Variants in TRMT1 observed in about 807,000 individuals in gnomAD.
TRMT1 encodes tRNA methyltransferase 1.
Under a neutral mutation model 75.4 loss-of-function variants are expected in TRMT1, and 63 were observed. That is an observed-to-expected ratio of 0.84 (90% CI 0.68 to 1.03). The LOEUF is 1.03. Among genes scored for constraint, TRMT1 ranks in the 50% least tolerant of loss-of-function variants. The pLI is 0.00. For missense variants in TRMT1, 870 were observed against 905.3 expected, an observed-to-expected ratio of 0.96 and a Z score of 0.50; for synonymous variants, 382 against 358.1, an observed-to-expected ratio of 1.07 and a Z score of -0.75.
intron 4 of TRMT1, 72 bp from the exon 5 acceptor site, chr19:13,115,538 C>A (rs2019308460): frequency 6.3e-7 from 1 of 1,598,742 alleles, no homozygotes; most frequent in Non-Finnish European, 8.5e-7. Context: ...GGAGCCCCCA[C>A]CACCCACCTC....
chr19:13,111,180 A>G (rs1308703650), intron 7 of TRMT1, among the ~76,000 whole-genome samples: 1 of 151,970 alleles, frequency 6.6e-6, no homozygotes, highest in Admixed American at 6.6e-5. Flanking sequence ...AGTAGCTGGG[A>G]CCACAGGCAT....
Position 13,112,966 on chromosome 19 carries a change from G to C in TRMT1, c.687C>G (p.Val229=). 1 of 1,613,886 alleles carries C rather than the reference G, an allele frequency of 6.2e-7. No homozygotes were observed. The highest frequency in any genetic ancestry group is 8.5e-7 in the Non-Finnish European group (1 of 1,179,920). ...QHQRVSERFD[V]IDLDPYGSPA... is the part of the protein sequence containing the mutation. ...GGCTGCCATAGGGGTCCAGATCGAT[G>C]ACGTCAAACCTCTCCGACACCCTCT... The change falls in exon 6 of 17, where the codon GTC becomes GTG. Residue 229 remains valine (V), a synonymous_variant. Coordinates refer to ENST00000357720, the MANE Select transcript of TRMT1 (RefSeq NM_001136035.4).
rs774151642 is a variant in TRMT1, at chr19:13,104,961, C to CCCCA, written c.1950_1953dup (p.Ala652TrpfsTer13). 6.2e-7 allele frequency: 1 copy of CCCCA among 1,613,882 alleles called. No individual in the cohort carries two copies. The highest frequency in any genetic ancestry group is 1.1e-5 in the South Asian group (1 of 91,092). On this transcript the variant is annotated frameshift_variant, in exon 17 of 17. Transcript: ENST00000357720. LOFTEE classifies it high-confidence loss of function. Reference sequence around the variant, plus strand: ...CAGTCTATGCCTGGCCCAGCGGCAGCCCCAGGTCCAGGGGGGGTCTGGTTG... The same window carrying CCCCA: ...CAGTCTATGCCTGGCCCAGCGGCAGCCCCACCCAGGTCCAGGGGGGGTCTGGTTG...
At chr19:13,107,985 C>CTTTTCTTT in intron 12 of TRMT1, 126 bp from the exon 13 acceptor site, 1 of 328,588 alleles carries the variant, frequency 3.0e-6, no homozygotes, top group African/African-American at 3.3e-5. Flanking sequence ...CTTTTCTTTT[C>CTTTTCTTT]TTTTTTTTTT....
At chr19:13,116,467 C>G (rs1047990061) in intron 1 of TRMT1, 36 bp from the exon 2 acceptor site, 1 of 1,538,190 alleles carries the variant, frequency 6.5e-7, no homozygotes, top group Non-Finnish European at 8.7e-7. Context: ...CAGAGAGGGT[C>G]AGAGAGCCGC....
chr19:13,114,040 G>A (rs745607825), intron 5 of TRMT1, among the ~76,000 whole-genome samples: 1 of 152,202 alleles, frequency 6.6e-6, no homozygotes, highest in Non-Finnish European at 1.5e-5. Context: ...ACCATGCCCA[G>A]CTAATTACTT....
Position 13,104,942 on chromosome 19 carries a change from A to G in TRMT1, c.1973T>C (p.Ile658Thr). The G allele has an allele frequency of 6.2e-7, 1 of 1,613,980 alleles. No homozygotes were observed. The highest frequency in any genetic ancestry group is 1.1e-5 in the South Asian group (1 of 91,082). Residue 658 changes from isoleucine to threonine, a missense_variant, in exon 17 of 17, where the codon ATA (isoleucine) becomes ACA (threonine). Transcript: ENST00000357720. ...PGPGAAAGPG[I>T]D is the part of the protein sequence containing the mutation. ...TGACATCTCTTTATTGGTTCAGTCT[A>G]TGCCTGGCCCAGCGGCAGCCCCAGG...
At position 13,105,581 on chromosome 19, in the gene TRMT1, CCCGGATGGTGAAG is replaced by C. The variant is rs1335451664; in HGVS notation, c.1596_1608del (p.Asn532LysfsTer123). The C allele has an allele frequency of 1.7e-5, 27 of 1,613,708 alleles. No individual in the cohort carries two copies. Among genetic ancestry groups the C allele is most frequent in the Non-Finnish European group, 2.3e-5 (27 of 1,179,956 alleles). ...TGTCGGGAGCTGGGGTTGGCATCTT[CCCGGATGGTGAAG>C]TTGGCCTGCAGCCTAGGGAAGCAGG... On this transcript the variant is annotated frameshift_variant, in exon 15 of 17. Coordinates refer to ENST00000357720, the MANE Select transcript of TRMT1 (RefSeq NM_001136035.4). LOFTEE classifies it high-confidence loss of function.
intron 7 of TRMT1, among the ~76,000 whole-genome samples, chr19:13,110,520 G>T (rs2019099903): frequency 6.6e-6 from 1 of 152,236 alleles, no homozygotes; most frequent in South Asian, 2.1e-4. Flanking sequence ...CCTGTCTGTG[G>T]CACTGCTGGG....
intron 10 of TRMT1, 36 bp from the exon 11 acceptor site, chr19:13,109,720 T>A: frequency 6.2e-7 from 1 of 1,613,986 alleles, no homozygotes; most frequent in Middle Eastern, 1.6e-4. Flanking sequence ...GCAGGGACTA[T>A]GACCTTCAAG....
Position 13,110,317 on chromosome 19 carries a change from G to C in TRMT1, c.871-11C>G, listed in dbSNP as rs764060702. The C allele has an allele frequency of 1.2e-5, 10 of 807,984 alleles. No homozygotes were observed. Among genetic ancestry groups the C allele is most frequent in the Non-Finnish European group, 2.1e-5 (10 of 476,838 alleles). 50.1% of individuals were successfully genotyped at this position (807,984 alleles called of 1,614,324 possible). Reference sequence around the variant, plus strand: ...GACGATTCTCAGGGCCTGGGGGTGGGGGGTGGGTGTCAGCCTCCCCTCCAC... The same window carrying C: ...GACGATTCTCAGGGCCTGGGGGTGGCGGGTGGGTGTCAGCCTCCCCTCCAC... On this transcript the variant is annotated splice_polypyrimidine_tract_variant and intron_variant, in intron 7 of 16. Coordinates refer to ENST00000357720, the MANE Select transcript of TRMT1 (RefSeq NM_001136035.4).
rs1368870001 is a variant in TRMT1, at chr19:13,109,565, C to T, written c.1296G>A (p.Leu432=). The change falls in exon 11 of 17, where the codon CTG becomes CTA. Residue 432 remains leucine, a synonymous_variant. Transcript: ENST00000357720. ...FHTSERIRGV[L]SVITEELPDV... ...CGGCTCTCACCTCAGTGATGACGCTCAGGACCCCTCGGATCCGCTCCGAGG... is the reference window on the plus strand; with the variant it reads ...CGGCTCTCACCTCAGTGATGACGCTTAGGACCCCTCGGATCCGCTCCGAGG... The T allele has an allele frequency of 1.9e-5, 30 of 1,614,058 alleles. No individual in the cohort carries two copies. Among genetic ancestry groups the T allele is most frequent in the Non-Finnish European group, 2.5e-5 (30 of 1,179,990 alleles).
chr19:13,107,652 T>C lies in TRMT1; in HGVS notation c.1507-2A>G. On this transcript the variant is annotated splice_acceptor_variant, in intron 13 of 16. Coordinates refer to ENST00000357720, the MANE Select transcript of TRMT1 (RefSeq NM_001136035.4). LOFTEE classifies it high-confidence loss of function. ...CCGTTTCACCGGACATTCCTTCTCC[T>C]GGGGGCAGAGGTCAGAGGTTAGGGA... The C allele has an allele frequency of 6.2e-7, 1 of 1,604,304 alleles. No homozygotes were observed. Among genetic ancestry groups the C allele is most frequent in the Non-Finnish European group, 8.5e-7 (1 of 1,174,418 alleles).
In TRMT1 at chr19:13,109,420, C is replaced by T. The variant is rs754926226; in HGVS notation, c.1358G>A (p.Ser453Asn). The T allele has an allele frequency of 1.2e-6, 2 of 1,613,402 alleles. No homozygotes were observed. Among genetic ancestry groups the T allele is most frequent in the South Asian group, 1.1e-5 (1 of 91,036 alleles). ...GCTTGGTGTGTTGCAGTGGATGGTGCTGCTCAGCTGGTCCAGGGTGTAGTA... is the reference window on the plus strand; with the variant it reads ...GCTTGGTGTGTTGCAGTGGATGGTGTTGCTCAGCTGGTCCAGGGTGTAGTA... ...PLYYTLDQLSSTIHCNTPSLL... is the reference protein window; with the variant it reads ...PLYYTLDQLSNTIHCNTPSLL... Residue 453 changes from serine to asparagine, a missense_variant, in exon 12 of 17, where the codon AGC (serine) becomes AAC (asparagine). Ser to Asn is a conservative substitution (Grantham distance 46). Coordinates refer to ENST00000357720, the MANE Select transcript of TRMT1 (RefSeq NM_001136035.4).
intron 12 of TRMT1, 124 bp from the exon 13 acceptor site, chr19:13,107,983 T>TTA: frequency 3.3e-6 from 2 of 607,680 alleles, no homozygotes; most frequent in Non-Finnish European, 5.6e-6. Context: ...TTCTTTTCTT[T>TTA]TCTTTTTTTT....
chr19:13,112,961 T>C lies in TRMT1; in HGVS notation c.692A>G (p.Asp231Gly), dbSNP rs1172274431. Reference sequence around the variant, plus strand: ...GGCTGGGCTGCCATAGGGGTCCAGATCGATGACGTCAAACCTCTCCGACAC... The same window carrying C: ...GGCTGGGCTGCCATAGGGGTCCAGACCGATGACGTCAAACCTCTCCGACAC... ...QRVSERFDVI[D>G]LDPYGSPATF... Residue 231 changes from aspartate (D) to glycine (G), a missense_variant, in exon 6 of 17, where the codon GAT (aspartate) becomes GGT (glycine). By Grantham distance (94) the Asp-to-Gly change is moderately conservative. Transcript: ENST00000357720. 1.2e-6 allele frequency: 2 copies of C among 1,613,960 alleles called. No individual in the cohort carries two copies. Among genetic ancestry groups the C allele is most frequent in the African/African-American group, 1.3e-5 (1 of 75,050 alleles).
chr19:13,104,925 CTT>C lies in TRMT1; in HGVS notation c.*8_*9del. The C allele has an allele frequency of 1.2e-6, 2 of 1,613,948 alleles. No homozygotes were observed. Among genetic ancestry groups the C allele is most frequent in the Non-Finnish European group, 1.7e-6 (2 of 1,179,912 alleles). ...ATCGGGAGAAGGTGACGTGACATCT[CTT>C]TATTGGTTCAGTCTATGCCTGGCCC... On this transcript the variant is annotated 3_prime_UTR_variant, in exon 17 of 17. Coordinates refer to ENST00000357720, the MANE Select transcript of TRMT1 (RefSeq NM_001136035.4).
Position 13,105,034 on chromosome 19 carries a change from CG to C in TRMT1, c.1880del (p.Pro627ArgfsTer32), listed in dbSNP as rs773036580. The C allele has an allele frequency of 2.5e-6, 4 of 1,609,804 alleles. No individual in the cohort carries two copies. The African/African-American group carries it at 5.3e-5, about 21-fold the overall frequency. On this transcript the variant is annotated frameshift_variant, in exon 17 of 17. Coordinates refer to ENST00000357720, the MANE Select transcript of TRMT1 (RefSeq NM_001136035.4). LOFTEE classifies it low-confidence loss of function (END_TRUNC). ...GDQCCYSHSP[P>X]TPRVSADAAP... ...CAGCATCAGCAGAAACCCTGGGTGT[CG>C]GGGGGCTGTGGGAGTAGCAGCACTG...
At chr19:13,116,612 C>T (rs2019376355) in intron 1 of TRMT1, 41 bp downstream of exon 1, 1 of 669,834 alleles carries the variant, frequency 1.5e-6, no homozygotes, top group African/African-American at 1.8e-5. Context: ...AGGCCCGCCC[C>T]GAGTCCGAAT....
Sources: gnomAD v4.1 joint callset for allele counts (sites outside exome capture counted in the v4.1 genomes callset) on GRCh38, gnomAD v4.1.1 for gene constraint, MANE v1.5 for transcripts, NCBI Gene and HGNC (gene_info 2026-07-23, HGNC 2026-07-21) for gene names.